The following PRKCE variants were observed in gnomAD, a reference collection of about 807,000 sequenced individuals.
The protein encoded by PRKCE is protein kinase C epsilon type.
Under a neutral mutation model 85.4 loss-of-function variants are expected in PRKCE, and 16 were observed. The observed-to-expected ratio is 0.19, with a 90% CI of 0.13 to 0.28. PRKCE has a LOEUF of 0.28. Among genes scored for constraint, PRKCE ranks in the 10% least tolerant of loss-of-function variants. The probability of loss-of-function intolerance (pLI) is 1.00; values close to 1 mark genes in which losing one functional copy is unlikely to be tolerated. For synonymous variants in PRKCE, 388 were observed against 371.5 expected, an observed-to-expected ratio of 1.04 and a Z score of -0.51; for missense variants, 573 against 975.2, an observed-to-expected ratio of 0.59 and a Z score of 5.49.
intron 1 of PRKCE, among the ~76,000 whole-genome samples, chr2:45,702,694 C>A (rs1678749043): frequency 6.6e-6 from 1 of 151,210 alleles, no homozygotes; most frequent in Non-Finnish European, 1.5e-5. Flanking sequence ...TCTTTTTTTT[C>A]CCCCAAAATA....
At chr2:45,984,741 C>T in intron 6 of PRKCE, 61 bp downstream of exon 6, 1 of 1,555,190 alleles carries the variant, frequency 6.4e-7, no homozygotes, top group Middle Eastern at 1.7e-4. Flanking sequence ...TGCCTGCCCC[C>T]ATCCCTGCTT....
chr2:46,056,902 A>T (rs1474170731), intron 10 of PRKCE, among the ~76,000 whole-genome samples: 1 of 152,220 alleles, frequency 6.6e-6, no homozygotes, highest in Non-Finnish European at 1.5e-5. Context: ...ACCTGTTTGG[A>T]TCACTATTGC....
intron 2 of PRKCE, among the ~76,000 whole-genome samples, chr2:45,946,142 C>T (rs550583539): frequency 1.1e-4 from 17 of 152,332 alleles, no homozygotes; most frequent in East Asian, 3.9e-4. Flanking sequence ...GTTTGCAGAA[C>T]CACTTTGTAA....
intron 11 of PRKCE, among the ~76,000 whole-genome samples, chr2:46,088,108 G>A (rs867035671): frequency 1.3e-5 from 2 of 152,266 alleles, no homozygotes; most frequent in South Asian, 2.1e-4. Flanking sequence ...TATTCTGTTG[G>A]TTAGAGGTAA....
intron 10 of PRKCE, among the ~76,000 whole-genome samples, chr2:46,075,316 G>T (rs1403857331): frequency 6.6e-6 from 1 of 151,996 alleles, no homozygotes; most frequent in Admixed American, 6.5e-5. Flanking sequence ...GATTACAGGC[G>T]TGAGCCACCG....
intron 2 of PRKCE, among the ~76,000 whole-genome samples, chr2:45,887,878 T>C (rs565113238): frequency 1.3e-5 from 2 of 152,204 alleles, no homozygotes; most frequent in Non-Finnish European, 2.9e-5. Flanking sequence ...CACATCTAAC[T>C]GGCCCAACTG....
At chr2:45,894,112 G>A (rs997943909) in intron 2 of PRKCE, among the ~76,000 whole-genome samples, 4 of 152,142 alleles carry the variant, frequency 2.6e-5, no homozygotes, top group African/African-American at 7.2e-5. Flanking sequence ...GTCGCACAGG[G>A]TTGGCACACA....
At chr2:45,740,153 A>G (rs1268143868) in intron 1 of PRKCE, among the ~76,000 whole-genome samples, 1 of 151,774 alleles carries the variant, frequency 6.6e-6, no homozygotes, top group Non-Finnish European at 1.5e-5. Context: ...ATCTCAAAAA[A>G]AAAAAAAGGA....
intron 1 of PRKCE, among the ~76,000 whole-genome samples, chr2:45,785,500 T>TAA (rs11423618): frequency 0.042 from 5,676 of 135,722 alleles, 361 homozygotes; most frequent in African/African-American, 0.14. Flanking sequence ...AAAAAAAGAA[T>TAA]AAAAAAAAAA....
At chr2:45,915,263 G>T (rs987053278) in intron 2 of PRKCE, among the ~76,000 whole-genome samples, 2 of 152,210 alleles carry the variant, frequency 1.3e-5, no homozygotes, top group South Asian at 4.1e-4. Flanking sequence ...TAATGAAGGA[G>T]TAAGGCATGC....
intron 1 of PRKCE, among the ~76,000 whole-genome samples, chr2:45,809,536 C>T (rs575819457): frequency 2.6e-5 from 4 of 152,196 alleles, no homozygotes; most frequent in East Asian, 1.9e-4. Context: ...AACAGAAAGC[C>T]TCCAATAATA....
At chr2:45,891,904 C>T (rs1343059812) in intron 2 of PRKCE, among the ~76,000 whole-genome samples, 1 of 152,226 alleles carries the variant, frequency 6.6e-6, no homozygotes, top group Non-Finnish European at 1.5e-5. Flanking sequence ...TTGCTGCTTT[C>T]AGTGGCTCCC....
chr2:46,099,554 T>C (rs988096393), intron 11 of PRKCE, among the ~76,000 whole-genome samples: 1 of 152,078 alleles, frequency 6.6e-6, no homozygotes, highest in African/African-American at 2.4e-5. Flanking sequence ...CTTCAGATCA[T>C]TTTTCCTGGC....
chr2:45,718,964 T>C (rs139935514), intron 1 of PRKCE, among the ~76,000 whole-genome samples: 144 of 152,366 alleles, frequency 9.5e-4, no homozygotes, highest in African/African-American at 3.4e-3. Context: ...TCAGAGCCTT[T>C]AATATGCTAA....
At chr2:45,698,217 T>A (rs990521134) in intron 1 of PRKCE, among the ~76,000 whole-genome samples, 5 of 152,256 alleles carry the variant, frequency 3.3e-5, no homozygotes, top group Admixed American at 6.5e-5. Flanking sequence ...CGTAGTGATC[T>A]ACTTTATAGA....
chr2:45,718,014 C>G (rs1680288826), intron 1 of PRKCE, among the ~76,000 whole-genome samples: 1 of 152,192 alleles, frequency 6.6e-6, no homozygotes, highest in Non-Finnish European at 1.5e-5. Context: ...CTTGTAGATA[C>G]ATTGTTTTGG....
At chr2:46,024,242 A>G (rs1292188393) in intron 10 of PRKCE, among the ~76,000 whole-genome samples, 2 of 152,054 alleles carry the variant, frequency 1.3e-5, no homozygotes, top group African/African-American at 2.4e-5. Flanking sequence ...ATTCCAGGCA[A>G]TCTGAGTTGT....
At chr2:46,126,868 G>A (rs1350883063) in intron 11 of PRKCE, among the ~76,000 whole-genome samples, 2 of 152,170 alleles carry the variant, frequency 1.3e-5, no homozygotes, top group African/African-American at 4.8e-5. Context: ...ACAAGCATGA[G>A]ATGAGGAAAG....
intron 11 of PRKCE, among the ~76,000 whole-genome samples, chr2:46,109,712 A>G (rs1424909002): frequency 2.0e-5 from 3 of 151,948 alleles, no homozygotes; most frequent in African/African-American, 7.2e-5. Flanking sequence ...TTGTTTTATC[A>G]CACTCACTAG....
Sources: allele counts gnomAD v4.1 joint callset (sites outside exome capture counted in the v4.1 genomes callset), GRCh38; gene constraint gnomAD v4.1.1; transcripts MANE v1.5; gene names NCBI Gene and HGNC (gene_info 2026-07-23, HGNC 2026-07-21).